LRRC4C: variants seen among roughly 807,000 people sequenced by gnomAD.
LRRC4C encodes leucine rich repeat containing 4C, also known as leucine-rich repeat-containing protein 4C.
In LRRC4C, 5 loss-of-function variants were observed where a neutral mutation model predicts 33.6. The ratio of observed to expected loss-of-function variants is 0.15; its 90% CI spans 0.08 to 0.31. The LOEUF (loss-of-function observed/expected upper bound fraction) is 0.31, where lower values mean the gene tolerates loss of function less well. Among genes scored for constraint, LRRC4C ranks in the 10% least tolerant of loss-of-function variants. The pLI is 1.00. For synonymous variants in LRRC4C, 329 were observed against 302.0 expected, an observed-to-expected ratio of 1.09 and a Z score of -0.93; for missense variants, 560 against 796.7, an observed-to-expected ratio of 0.70 and a Z score of 3.58.
At chr11:41,392,703 G>C (rs1953651430) in intron 1 of LRRC4C, among the ~76,000 whole-genome samples, 1 of 150,810 alleles carries the variant, frequency 6.6e-6, no homozygotes, top group Admixed American at 6.7e-5. Context: ...CTTATGAAAA[G>C]GTCATTTAAA....
chr11:40,429,365 C>T lies in LRRC4C; in HGVS notation c.-269-109644G>A, dbSNP rs116069830. On this transcript the variant is annotated intron_variant, in intron 3 of 6. Transcript: ENST00000528697. ...CTAGGATTACAGGCTTGAGCCACTG[C>T]GCCTGGCCCTGATGAACTGTTAAAC... Among the ~76,000 whole-genome samples, 1,096 of 152,270 alleles carry T rather than the reference C, an allele frequency of 7.2e-3. 13 individuals carry two copies. The highest frequency in any genetic ancestry group is 0.025 in the African/African-American group (1,036 of 41,556).
At chr11:40,398,551 T>C (rs1949632629) in intron 3 of LRRC4C, among the ~76,000 whole-genome samples, 1 of 152,070 alleles carries the variant, frequency 6.6e-6, no homozygotes, top group South Asian at 2.1e-4. Context: ...AATAGGAAAA[T>C]ATGGATGTAA....
At chr11:41,208,003 A>G (rs1287805653) in intron 1 of LRRC4C, among the ~76,000 whole-genome samples, 2 of 152,200 alleles carry the variant, frequency 1.3e-5, no homozygotes, top group South Asian at 4.1e-4. Context: ...ATGTACATTA[A>G]GGTGATTTTG....
chr11:40,944,248 C>T (rs1958285614), intron 1 of LRRC4C, among the ~76,000 whole-genome samples: 1 of 152,068 alleles, frequency 6.6e-6, no homozygotes, highest in East Asian at 1.9e-4. Context: ...TAAAAACATT[C>T]ACAGATGCCT....
intron 1 of LRRC4C, among the ~76,000 whole-genome samples, chr11:40,994,466 T>G (rs1853817879): frequency 1.3e-5 from 2 of 152,226 alleles, no homozygotes; most frequent in East Asian, 1.9e-4. Context: ...GCAATTAACA[T>G]AGGGTGACGG....
At chr11:40,911,280 A>G (rs1049002167) in intron 2 of LRRC4C, among the ~76,000 whole-genome samples, 14 of 152,138 alleles carry the variant, frequency 9.2e-5, no homozygotes, top group African/African-American at 3.1e-4. Flanking sequence ...GAGTAGCCCA[A>G]CTGGGAGGCA....
At chr11:41,021,156 TGAGAGAGAGAGA>T (rs71060991) in intron 1 of LRRC4C, among the ~76,000 whole-genome samples, 22,180 of 126,432 alleles carry the variant, frequency 0.18, 2,262 homozygotes, top group East Asian at 0.35. Context: ...ATCGTGCATC[TGAGAGAGAGAGA>T]GAGAGAGAGA....
At chr11:41,400,547 A>C (rs762079046) in intron 1 of LRRC4C, among the ~76,000 whole-genome samples, 1 of 149,758 alleles carries the variant, frequency 6.7e-6, no homozygotes, top group Admixed American at 6.7e-5. Context: ...AGAAGACTTC[A>C]GGGAAACATT....
intron 1 of LRRC4C, among the ~76,000 whole-genome samples, chr11:41,173,680 G>A (rs1446652797): frequency 6.6e-6 from 1 of 152,036 alleles, no homozygotes; most frequent in African/African-American, 2.4e-5. Flanking sequence ...TGACACCATA[G>A]CCTACATTCT....
At chr11:40,733,654 C>T (rs566380169) in intron 2 of LRRC4C, among the ~76,000 whole-genome samples, 13 of 152,252 alleles carry the variant, frequency 8.5e-5, no homozygotes, top group Non-Finnish European at 1.3e-4. Flanking sequence ...CAGTCCTTTA[C>T]GCTAGACTTT....
chr11:40,535,781 T>C (rs1956446545), intron 3 of LRRC4C, among the ~76,000 whole-genome samples: 1 of 152,212 alleles, frequency 6.6e-6, no homozygotes, highest in Non-Finnish European at 1.5e-5. Context: ...GTATAAATGA[T>C]AAGGTGAAAT....
At chr11:40,166,640 C>T (rs904533176) in intron 5 of LRRC4C, among the ~76,000 whole-genome samples, 2 of 151,960 alleles carry the variant, frequency 1.3e-5, no homozygotes, top group South Asian at 2.1e-4. Context: ...CTATGATGAT[C>T]GAATAGGAGA....
intron 2 of LRRC4C, among the ~76,000 whole-genome samples, chr11:40,693,427 G>A (rs1333629322): frequency 6.6e-6 from 1 of 152,082 alleles, no homozygotes; most frequent in Non-Finnish European, 1.5e-5. Flanking sequence ...AGTGAAATGT[G>A]TATCTTGTCA....
At chr11:40,564,990 G>T (rs1957696781) in intron 3 of LRRC4C, among the ~76,000 whole-genome samples, 1 of 152,178 alleles carries the variant, frequency 6.6e-6, no homozygotes, top group African/African-American at 2.4e-5. Flanking sequence ...TAGGAACTAA[G>T]ATCGCTCTGG....
At chr11:40,937,999 T>C (rs1592138482) in intron 1 of LRRC4C, among the ~76,000 whole-genome samples, 1 of 152,132 alleles carries the variant, frequency 6.6e-6, no homozygotes, top group African/African-American at 2.4e-5. Context: ...TTCATCGTAA[T>C]GTTGGAGAGT....
chr11:41,402,929 A>G (rs758279757), intron 1 of LRRC4C, among the ~76,000 whole-genome samples: 18 of 152,122 alleles, frequency 1.2e-4, no homozygotes, highest in Non-Finnish European at 1.8e-4. Flanking sequence ...AAAATATGCA[A>G]TTTACCTAAA....
chr11:40,676,763 T>C (rs764579578), intron 2 of LRRC4C, among the ~76,000 whole-genome samples: 1 of 152,170 alleles, frequency 6.6e-6, no homozygotes, highest in Non-Finnish European at 1.5e-5. Context: ...GCACATGGGA[T>C]GGGCTACAAG....
At chr11:41,155,210 A>G (rs1225378180) in intron 1 of LRRC4C, among the ~76,000 whole-genome samples, 1 of 152,078 alleles carries the variant, frequency 6.6e-6, no homozygotes, top group Non-Finnish European at 1.5e-5. Flanking sequence ...TAATTCCAAC[A>G]TCCTTATGGG....
chr11:40,166,207 A>G (rs909117636), intron 5 of LRRC4C, among the ~76,000 whole-genome samples: 9 of 152,200 alleles, frequency 5.9e-5, no homozygotes, highest in African/African-American at 2.2e-4. Context: ...GCCTAAAACT[A>G]GAAGTGTCCC....
Sources: gnomAD v4.1 joint callset for allele counts (sites outside exome capture counted in the v4.1 genomes callset) on GRCh38, gnomAD v4.1.1 for gene constraint, MANE v1.5 for transcripts, NCBI Gene and HGNC (gene_info 2026-07-23, HGNC 2026-07-21) for gene names.